Variants in TMEM170B observed in about 807,000 individuals in gnomAD.
The protein encoded by TMEM170B is transmembrane protein 170B.
A neutral mutation model predicts 13.0 loss-of-function variants in TMEM170B; 6 were observed. That is an observed-to-expected ratio of 0.46 (90% CI 0.25 to 0.91). The LOEUF is 0.91. Ranked by LOEUF, TMEM170B falls within the 40% of genes least tolerant of loss-of-function variation. The pLI is 0.17. For synonymous variants in TMEM170B, 61 were observed against 64.9 expected, an observed-to-expected ratio of 0.94 and a Z score of 0.29; for missense variants, 138 against 165.2, an observed-to-expected ratio of 0.84 and a Z score of 0.90.
At chr6:11,551,099 G>A (rs1759519224) in intron 1 of TMEM170B, among the ~76,000 whole-genome samples, 1 of 152,134 alleles carries the variant, frequency 6.6e-6, no homozygotes, top group African/African-American at 2.4e-5. Flanking sequence ...TGCATTCTCT[G>A]CAGACTTGTC....
At position 11,581,929 on chromosome 6, in the gene TMEM170B, TTTC is replaced by T. The variant is rs1759963204; in HGVS notation, c.*6371_*6373del. 1.3e-5 allele frequency: 2 copies of T among 152,236 alleles called. No homozygotes were observed. The highest frequency in any genetic ancestry group is 2.4e-5 in the African/African-American group (1 of 41,468). 9.4% of individuals were successfully genotyped at this position (152,236 alleles called of 1,614,324 possible). On this transcript the variant is annotated 3_prime_UTR_variant, in exon 3 of 3. Transcript: ENST00000379426. The stretch of plus-strand genomic sequence containing the variant: ...GAGTTGATAGTTTAACTGTTGACAC[TTTC>T]TTAATGTTTTTGATGTTGGATGCAT...
chr6:11,569,348 T>C (rs141125504), intron 2 of TMEM170B, among the ~76,000 whole-genome samples: 1 of 152,286 alleles, frequency 6.6e-6, no homozygotes, highest in East Asian at 1.9e-4. Flanking sequence ...TACTTAAAGA[T>C]TTTATTAAAG....
intron 1 of TMEM170B, among the ~76,000 whole-genome samples, chr6:11,554,394 T>C (rs1171765658): frequency 6.6e-6 from 1 of 151,948 alleles, no homozygotes; most frequent in Non-Finnish European, 1.5e-5. Context: ...GATTTTGACA[T>C]TTAATCCTTA....
intron 2 of TMEM170B, among the ~76,000 whole-genome samples, chr6:11,567,741 C>T (rs896707768): frequency 6.6e-6 from 1 of 152,072 alleles, no homozygotes; most frequent in African/African-American, 2.4e-5. Flanking sequence ...TAAACAGGTA[C>T]TCAGGTTTAG....
At chr6:11,574,326 C>G (rs986099457) in intron 2 of TMEM170B, among the ~76,000 whole-genome samples, 4 of 152,050 alleles carry the variant, frequency 2.6e-5, no homozygotes, top group African/African-American at 9.7e-5. Context: ...TAGTAATTTG[C>G]TTTTCCTGTT....
intron 1 of TMEM170B, among the ~76,000 whole-genome samples, chr6:11,553,526 C>A (rs960023828): frequency 1.3e-5 from 2 of 151,922 alleles, no homozygotes; most frequent in African/African-American, 4.8e-5. Flanking sequence ...ATTTTTTAGC[C>A]TCAACTTCTA....
Position 11,581,197 on chromosome 6 carries a change from G to A in TMEM170B, c.*5636G>A, listed in dbSNP as rs563556234. ...TGTTTTCACATTCTTTACATTTATT[G>A]CACATATACTGAACTTACATAATAA... On this transcript the variant is annotated 3_prime_UTR_variant, in exon 3 of 3. Coordinates refer to ENST00000379426, the MANE Select transcript of TMEM170B (RefSeq NM_001100829.3). 6.6e-6 allele frequency: 1 copy of A among 152,110 alleles called. No individual in the cohort carries two copies. Among genetic ancestry groups the A allele is most frequent in the South Asian group, 2.1e-4 (1 of 4,826 alleles). 9.4% of individuals were successfully genotyped at this position (152,110 alleles called of 1,614,324 possible).
Position 11,581,831 on chromosome 6 carries a change from T to C in TMEM170B, c.*6270T>C, listed in dbSNP as rs1422192766. 1 of 152,228 alleles carries C rather than the reference T, an allele frequency of 6.6e-6. No individual in the cohort carries two copies. Among genetic ancestry groups the C allele is most frequent in the Non-Finnish European group, 1.5e-5 (1 of 68,028 alleles). 9.4% of individuals were successfully genotyped at this position (152,228 alleles called of 1,614,324 possible). A position where few individuals can be genotyped will look rare whatever the true frequency, so the allele number is the denominator to read the frequency against. On this transcript the variant is annotated 3_prime_UTR_variant, in exon 3 of 3. Transcript: ENST00000379426. ...TTTGGAATGGAACATTTTAAAGTTT[T>C]CTCCATAGAAAGCAACATAGTGGCA... is the stretch of plus-strand genomic sequence containing the variant.
intron 2 of TMEM170B, among the ~76,000 whole-genome samples, chr6:11,567,809 C>A (rs1299017060): frequency 1.3e-5 from 2 of 152,260 alleles, no homozygotes; most frequent in East Asian, 3.9e-4. Context: ...AAAGATAGAA[C>A]CGAGCCAGAT....
rs1251128328 is a variant in TMEM170B at position 11,576,252 on chromosome 6, T to G, written c.*691T>G. On this transcript the variant is annotated 3_prime_UTR_variant, in exon 3 of 3. Transcript: ENST00000379426. ...TATAGGGTGCATACTTTTCACCAAC[T>G]TAAGTAACACCCTTTTAATAGCTTC... is the stretch of plus-strand genomic sequence containing the variant. 6.6e-6 allele frequency: 1 copy of G among 152,210 alleles called. No individual in the cohort carries two copies. The highest frequency in any genetic ancestry group is 1.5e-5 in the Non-Finnish European group (1 of 68,030). 9.4% of individuals were successfully genotyped at this position (152,210 alleles called of 1,614,324 possible). A position where few individuals can be genotyped will look rare whatever the true frequency, so the allele number is the denominator to read the frequency against.
intron 1 of TMEM170B, among the ~76,000 whole-genome samples, chr6:11,559,140 C>T (rs1198408734): frequency 1.3e-5 from 2 of 151,036 alleles, no homozygotes; most frequent in Non-Finnish European, 3.0e-5. Flanking sequence ...TTTGAGTTTC[C>T]TATGATTTTT....
At position 11,539,052 on chromosome 6, in the gene TMEM170B, T is replaced by G. The variant is rs1428593083; in HGVS notation, c.97+678T>G. Among the ~76,000 whole-genome samples the G allele has an allele frequency of 3.5e-4, 53 of 152,244 alleles. 1 individual carries two copies. The highest frequency in any genetic ancestry group is 7.3e-5 in the Non-Finnish European group (5 of 68,040). Reference sequence around the variant, plus strand: ...GATAATTTTGTGTATTTCCCTTCATTTATTAAGGCTGTCAGTAATTGGCCT... The same window carrying G: ...GATAATTTTGTGTATTTCCCTTCATGTATTAAGGCTGTCAGTAATTGGCCT... On this transcript the variant is annotated intron_variant, in intron 1 of 2. Coordinates refer to ENST00000379426, the MANE Select transcript of TMEM170B (RefSeq NM_001100829.3).
chr6:11,538,407 G>A, intron 1 of TMEM170B, 33 bp downstream of exon 1: 1 of 1,439,386 alleles, frequency 6.9e-7, no homozygotes, highest in South Asian at 1.3e-5. Context: ...GGACGGGGAT[G>A]CGGTCCGCCC....
chr6:11,550,455 G>A (rs1412440150), intron 1 of TMEM170B, among the ~76,000 whole-genome samples: 9 of 152,002 alleles, frequency 5.9e-5, no homozygotes, highest in Non-Finnish European at 1.2e-4. Context: ...TTACAGGCAT[G>A]AGCCACTGTG....
chr6:11,561,991 T>G (rs59820712), intron 1 of TMEM170B, among the ~76,000 whole-genome samples: 336 of 152,324 alleles, frequency 2.2e-3, no homozygotes, highest in African/African-American at 7.5e-3. Flanking sequence ...GTTCACAGTG[T>G]TAAATATAGT....
chr6:11,558,765 G>A (rs867164663), intron 1 of TMEM170B, among the ~76,000 whole-genome samples: 4 of 152,244 alleles, frequency 2.6e-5, no homozygotes, highest in Admixed American at 6.5e-5. Context: ...ATAGCATCAC[G>A]TACATACTGT....
intron 1 of TMEM170B, among the ~76,000 whole-genome samples, chr6:11,558,334 A>G (rs999248994): frequency 2.6e-5 from 4 of 152,078 alleles, no homozygotes; most frequent in Admixed American, 6.5e-5. Flanking sequence ...ATCTTACCAT[A>G]TTTTTTGGTT....
At chr6:11,544,793 T>C (rs1311640273) in intron 1 of TMEM170B, among the ~76,000 whole-genome samples, 1 of 152,238 alleles carries the variant, frequency 6.6e-6, no homozygotes, top group Non-Finnish European at 1.5e-5. Context: ...AGTTATATGC[T>C]TCTGAAGTAG....
intron 1 of TMEM170B, among the ~76,000 whole-genome samples, chr6:11,564,463 C>G (rs1269795048): frequency 1.3e-5 from 2 of 152,180 alleles, no homozygotes; most frequent in Non-Finnish European, 2.9e-5. Context: ...TAGTGACTAC[C>G]TAGCCCAAAT....
Sources: allele counts gnomAD v4.1 joint callset (sites outside exome capture counted in the v4.1 genomes callset), GRCh38; gene constraint gnomAD v4.1.1; transcripts MANE v1.5; gene names NCBI Gene and HGNC (gene_info 2026-07-23, HGNC 2026-07-21).